Variants in RAB8B observed in about 807,000 individuals in gnomAD.
RAB8B encodes ras-related protein Rab-8B.
In RAB8B, 11 loss-of-function variants were observed where a neutral mutation model predicts 32.0. The observed-to-expected ratio is 0.34, with a 90% CI of 0.22 to 0.57. RAB8B has a LOEUF of 0.57. RAB8B is among the 20% of genes least tolerant of loss of function. The pLI is 0.86. For synonymous variants in RAB8B, 103 were observed against 89.6 expected (o/e 1.15, Z -0.85); for missense variants, 190 against 258.5 (o/e 0.73, Z 1.82).
At position 63,204,601 on chromosome 15, in the gene RAB8B, C is replaced by T. The variant is rs534407329; in HGVS notation, c.124+14853C>T. Among the ~76,000 whole-genome samples the T allele has an allele frequency of 1.1e-3, 163 of 152,182 alleles. 1 individual carries two copies. The highest frequency in any genetic ancestry group is 3.8e-3 in the African/African-American group (157 of 41,508). On this transcript the variant is annotated intron_variant, in intron 1 of 7. Coordinates refer to ENST00000321437, the MANE Select transcript of RAB8B (RefSeq NM_016530.3). ...ATGAGTTTGTTTGCATACATGAATT[C>T]GAACAATACATTAAATCTTAAAACA... is the stretch of plus-strand genomic sequence containing the variant.
intron 1 of RAB8B, among the ~76,000 whole-genome samples, chr15:63,225,501 G>A (rs2037881155): frequency 6.6e-6 from 1 of 152,078 alleles, no homozygotes; most frequent in Admixed American, 6.5e-5. Context: ...CAGCCTTTTG[G>A]GTGATAAATA....
At chr15:63,242,802 C>T (rs997438914) in intron 1 of RAB8B, among the ~76,000 whole-genome samples, 1 of 152,160 alleles carries the variant, frequency 6.6e-6, no homozygotes. Flanking sequence ...TGGTCCCCAA[C>T]CTTTTTGTCA....
At chr15:63,195,518 T>C (rs573084946) in intron 1 of RAB8B, among the ~76,000 whole-genome samples, 1 of 152,262 alleles carries the variant, frequency 6.6e-6, no homozygotes, top group South Asian at 2.1e-4. Flanking sequence ...TGGAGGGAAA[T>C]AGGTTTAGAT....
rs1343403140 is a variant in RAB8B, at chr15:63,259,752, T to G, written c.480+60T>G. On this transcript the variant is annotated intron_variant, in intron 6 of 7. Coordinates refer to ENST00000321437, the MANE Select transcript of RAB8B (RefSeq NM_016530.3). This position sits in a 1 kb window ranked among gnomAD's most constrained non-coding sequence, Gnocchi z 4.4. ...AGCACCAGTGCTTAGGGGCCTGTGTTCAAACAGCTCTCAGAGCTTTGGTAT... is the reference window on the plus strand; with the variant it reads ...AGCACCAGTGCTTAGGGGCCTGTGTGCAAACAGCTCTCAGAGCTTTGGTAT... 1.4e-6 allele frequency: 2 copies of G among 1,404,682 alleles called. No individual in the cohort carries two copies. The highest frequency in any genetic ancestry group is 2.0e-6 in the Non-Finnish European group (2 of 994,552). 87.0% of individuals were successfully genotyped at this position (1,404,682 alleles called of 1,614,324 possible). A position where few individuals can be genotyped will look rare whatever the true frequency, so the allele number is the denominator to read the frequency against.
intron 1 of RAB8B, among the ~76,000 whole-genome samples, chr15:63,220,847 T>C (rs1314472770): frequency 6.6e-6 from 1 of 152,204 alleles, no homozygotes; most frequent in East Asian, 1.9e-4. Context: ...AAAAAGGGTT[T>C]ATCTTTCATT....
intron 1 of RAB8B, among the ~76,000 whole-genome samples, chr15:63,204,523 G>A (rs1309109166): frequency 6.6e-6 from 1 of 152,178 alleles, no homozygotes; most frequent in Non-Finnish European, 1.5e-5. Flanking sequence ...CCCTCTGTTA[G>A]GGCCCTGAAT....
intron 1 of RAB8B, among the ~76,000 whole-genome samples, chr15:63,215,969 T>G (rs58314914): frequency 6.6e-6 from 1 of 151,546 alleles, no homozygotes; most frequent in African/African-American, 2.4e-5. Context: ...ACCCAGGAGG[T>G]TGAGGCTGCA....
chr15:63,266,464 GT>G lies in RAB8B; in HGVS notation c.*2846del. 2 of 152,664 alleles carry G rather than the reference GT, an allele frequency of 1.3e-5. No homozygotes were observed. Among genetic ancestry groups the G allele is most frequent in the Middle Eastern group, 6.8e-3 (2 of 294 alleles). 9.5% of individuals were successfully genotyped at this position (152,664 alleles called of 1,614,324 possible). ...TTCTTACTATTTACAGAAACATTTT[GT>G]GCAGTCTTTGTTATAAATTTTCAGA... On this transcript the variant is annotated 3_prime_UTR_variant, in exon 8 of 8. Transcript: ENST00000321437.
At chr15:63,246,894 TTTG>T (rs907046194) in intron 2 of RAB8B, among the ~76,000 whole-genome samples, 1 of 152,194 alleles carries the variant, frequency 6.6e-6, no homozygotes, top group African/African-American at 2.4e-5. Flanking sequence ...ACTTAAACAC[TTTG>T]TTGGAGATTC....
intron 1 of RAB8B, among the ~76,000 whole-genome samples, chr15:63,214,251 T>G (rs1250472966): frequency 1.3e-5 from 2 of 151,562 alleles, no homozygotes; most frequent in Admixed American, 1.3e-4. Flanking sequence ...TCAACAGTGT[T>G]GAATTCCTTG....
At chr15:63,190,888 T>C (rs1474994234) in intron 1 of RAB8B, among the ~76,000 whole-genome samples, 1 of 152,246 alleles carries the variant, frequency 6.6e-6, no homozygotes, top group African/African-American at 2.4e-5. Flanking sequence ...ACATGTGATA[T>C]ACCTCTCAGT....
At chr15:63,235,276 A>T (rs1242965203) in intron 1 of RAB8B, among the ~76,000 whole-genome samples, 3 of 152,008 alleles carry the variant, frequency 2.0e-5, no homozygotes, top group African/African-American at 4.8e-5. Context: ...GGCTCACAGG[A>T]CCTCTTTATA....
rs540261442 is a variant in RAB8B, at chr15:63,209,223, A to G, written c.124+19475A>G. Among the ~76,000 whole-genome samples the G allele has an allele frequency of 2.4e-4, 36 of 152,070 alleles. 1 individual carries two copies. Among genetic ancestry groups the G allele is most frequent in the Admixed American group, 1.7e-3 (26 of 15,266 alleles). On this transcript the variant is annotated intron_variant, in intron 1 of 7. Transcript: ENST00000321437. ...TGTCTTTGTGTTCTTTGCGTTGCCG[A>G]ATACCATACTTTGTACCTATTTGGT...
chr15:63,209,342 G>A (rs1198235071), intron 1 of RAB8B, among the ~76,000 whole-genome samples: 3 of 151,818 alleles, frequency 2.0e-5, no homozygotes, highest in Non-Finnish European at 4.4e-5. Flanking sequence ...TGTAATCCCA[G>A]CACTTTGGGA....
At chr15:63,218,592 T>C (rs922683876) in intron 1 of RAB8B, among the ~76,000 whole-genome samples, 2 of 152,232 alleles carry the variant, frequency 1.3e-5, no homozygotes, top group East Asian at 3.8e-4. Context: ...TATTTCCTCA[T>C]TTAAAGGGCA....
intron 1 of RAB8B, among the ~76,000 whole-genome samples, chr15:63,190,055 T>C (rs1303357947): frequency 6.8e-6 from 1 of 147,394 alleles, no homozygotes; most frequent in African/African-American, 2.5e-5. Context: ...CAGGGAGGGG[T>C]CTTTGAGGGA....
At chr15:63,228,638 G>T (rs757913353) in intron 1 of RAB8B, among the ~76,000 whole-genome samples, 2 of 152,214 alleles carry the variant, frequency 1.3e-5, no homozygotes, top group South Asian at 4.1e-4. Context: ...ATATTTGTCT[G>T]GGCTCTTTGG....
At chr15:63,225,866 G>C (rs960439187) in intron 1 of RAB8B, among the ~76,000 whole-genome samples, 1 of 151,922 alleles carries the variant, frequency 6.6e-6, no homozygotes, top group African/African-American at 2.4e-5. Context: ...TCTGAAAGAG[G>C]GTCTCGCTCT....
intron 1 of RAB8B, among the ~76,000 whole-genome samples, chr15:63,199,381 T>C (rs2037628987): frequency 6.6e-6 from 1 of 152,196 alleles, no homozygotes; most frequent in Non-Finnish European, 1.5e-5. Context: ...TTTTAAAAAA[T>C]TGGTGCCTCT....
Sources: allele counts gnomAD v4.1 joint callset (sites outside exome capture counted in the v4.1 genomes callset), GRCh38; gene constraint gnomAD v4.1.1; non-coding constraint Gnocchi (gnomAD v3.1); transcripts MANE v1.5; gene names NCBI Gene and HGNC (gene_info 2026-07-23, HGNC 2026-07-21).